Variants in KIF1A observed in about 807,000 individuals in gnomAD.
The protein encoded by KIF1A is kinesin-like protein KIF1A.
In KIF1A, 46 loss-of-function variants were observed where a neutral mutation model predicts 227.3. That is an observed-to-expected ratio of 0.20 (90% CI 0.16 to 0.26). The LOEUF is 0.26. Among genes scored for constraint, KIF1A ranks in the 10% least tolerant of loss-of-function variants. KIF1A has a pLI of 1.00. For synonymous variants in KIF1A, 1,022 were observed against 1,012.8 expected, an observed-to-expected ratio of 1.01 and a Z score of -0.17; for missense variants, 1,683 against 2,485.9, an observed-to-expected ratio of 0.68 and a Z score of 6.87.
chr2:240,765,850 C>A (rs1009503257), intron 19 of KIF1A, 57 bp from the exon 20 acceptor site: 1 of 1,344,914 alleles, frequency 7.4e-7, no homozygotes, highest in Admixed American at 1.7e-5. Context: ...TCACCTACAG[C>A]AGCTCGGCTT....
rs1344499129 is a variant in KIF1A at position 240,766,747 on chromosome 2, T to TCACACACACACA, written c.1684+167_1684+168insTGTGTGTGTGTG. Among the ~76,000 whole-genome samples, 11 of 119,440 alleles carry TCACACACACACA rather than the reference T, an allele frequency of 9.2e-5. No individual in the cohort carries two copies. The highest frequency in any genetic ancestry group is 2.8e-4 in the East Asian group (1 of 3,580). 78.4% of individuals were successfully genotyped at this position (119,440 alleles called of 152,430 possible). A position where few individuals can be genotyped will look rare whatever the true frequency, so the allele number is the denominator to read the frequency against. On this transcript the variant is annotated intron_variant, in intron 19 of 48. Coordinates refer to ENST00000498729, the MANE Select transcript of KIF1A (RefSeq NM_001244008.2). This position sits in a 1 kb window ranked among gnomAD's most constrained non-coding sequence, Gnocchi z 5.0. ...ATCTCTCTCTCTCTCTCTCTCTCTC[T>TCACACACACACA]CTCACACACACACACACACACACAC...
At chr2:240,781,884 T>G (rs77447947) in intron 10 of KIF1A, 80,519 of 985,276 alleles carry the variant, frequency 0.082, 3,441 homozygotes, top group Non-Finnish European at 0.089. Flanking sequence ...GTGTTCTTAG[T>G]CTCTTGGAAC....
intron 25 of KIF1A, among the ~76,000 whole-genome samples, chr2:240,760,017 T>TAAAAA (rs1470187746): frequency 6.9e-6 from 1 of 144,072 alleles, no homozygotes; most frequent in Admixed American, 6.8e-5. Context: ...CCCTGTCTCT[T>TAAAAA]AAAGAAAAAA....
chr2:240,759,209 T>C (rs1284342528), intron 25 of KIF1A, among the ~76,000 whole-genome samples: 1 of 152,054 alleles, frequency 6.6e-6, no homozygotes, highest in Non-Finnish European at 1.5e-5. Context: ...ATTAATCATA[T>C]TTTTATTTTC....
chr2:240,794,868 G>A (rs370089337), intron 2 of KIF1A, among the ~76,000 whole-genome samples: 108 of 152,286 alleles, frequency 7.1e-4, no homozygotes, highest in African/African-American at 2.4e-3. Flanking sequence ...GCAGGACACT[G>A]ATCTCATGTG....
At chr2:240,748,444 T>G (rs1356428509) in intron 28 of KIF1A, among the ~76,000 whole-genome samples, 3 of 152,084 alleles carry the variant, frequency 2.0e-5, no homozygotes, top group Non-Finnish European at 4.4e-5. Flanking sequence ...CGGCCTCTGG[T>G]GCAGCCCCAC....
chr2:240,786,744 G>GGGTGGGGGACGCCATCAGGA lies in KIF1A; in HGVS notation c.430-232_430-231insTCCTGATGGCGTCCCCCACC, dbSNP rs1406812678. On this transcript the variant is annotated intron_variant, in intron 5 of 48. Transcript: ENST00000498729. ...TGAGGGGGTGGGGGCTGCCTGCTGGGCCCCTGAGTGAGAGGGTAGGGGCCA... is the reference window on the plus strand; with the variant it reads ...TGAGGGGGTGGGGGCTGCCTGCTGGGGGTGGGGGACGCCATCAGGACCCCTGAGTGAGAGGGTAGGGGCCA... 5.7e-5 allele frequency among the ~76,000 whole-genome samples: 3 copies of GGGTGGGGGACGCCATCAGGA among 52,782 alleles called. 1 individual carries two copies. The highest frequency in any genetic ancestry group is 2.5e-4 in the African/African-American group (3 of 12,156). The allele number at this position is 52,782 out of a possible 152,430, so 34.6% of individuals were successfully genotyped here. A position where few individuals can be genotyped will look rare whatever the true frequency, so the allele number is the denominator to read the frequency against.
At chr2:240,727,993 T>C (rs1017918344) in intron 38 of KIF1A, among the ~76,000 whole-genome samples, 4 of 151,982 alleles carry the variant, frequency 2.6e-5, no homozygotes, top group Non-Finnish European at 4.4e-5. Flanking sequence ...CACCCCACCA[T>C]CCACCCAGCC....
Position 240,719,024 on chromosome 2 carries a change from G to A in KIF1A, c.5196C>T (p.Asp1732=), listed in dbSNP as rs770573315. The change falls in exon 47 of 49, where the codon GAC becomes GAT. Residue 1732 remains aspartate (D), a synonymous_variant. Transcript: ENST00000498729. ...GCCGCACCTTGAGCATAGCCTGCTG[G>A]TCCTCACTGTACTCCACCTGGGCAG... ...LATAQVEYSE[D]QQAMLKTPNT... is the part of the protein sequence containing the mutation. 1 of 1,609,128 alleles carries A rather than the reference G, an allele frequency of 6.2e-7. No homozygotes were observed. Among genetic ancestry groups the A allele is most frequent in the South Asian group, 1.1e-5 (1 of 90,974 alleles).
rs56024577 is a variant in KIF1A, at chr2:240,741,385, G to A, written c.3641-8C>T. On this transcript the variant is annotated splice_polypyrimidine_tract_variant and splice_region_variant and intron_variant, in intron 34 of 48. Transcript: ENST00000498729. ...TGAGCTTGGTGGCGGGCACTGTAGG[G>A]ACAGGAGGGAGGCATGCATGGATGG... The A allele has an allele frequency of 0.28, 431,187 of 1,543,814 alleles. 66,318 individuals carry two copies. The highest frequency in any genetic ancestry group is 0.48 in the South Asian group (39,842 of 83,292).
chr2:240,719,724 C>T, intron 46 of KIF1A, 50 bp downstream of exon 46: 1 of 1,469,556 alleles, frequency 6.8e-7, no homozygotes, highest in Non-Finnish European at 9.0e-7. Context: ...CTGCCTGTCC[C>T]CTGTCAGCAC....
chr2:240,798,259 C>T (rs1006536429), intron 1 of KIF1A, among the ~76,000 whole-genome samples: 6 of 152,262 alleles, frequency 3.9e-5, no homozygotes, highest in Non-Finnish European at 1.5e-5. Context: ...CCATCACACC[C>T]TTCACACCAA....
At chr2:240,795,316 G>T (rs1336671570) in intron 2 of KIF1A, among the ~76,000 whole-genome samples, 3 of 152,236 alleles carry the variant, frequency 2.0e-5, no homozygotes, top group African/African-American at 7.2e-5. Flanking sequence ...TTGAAGCAGG[G>T]TGTCTCGCTT....
chr2:240,769,535 A>G, intron 16 of KIF1A, 92 bp downstream of exon 16: 1 of 1,058,436 alleles, frequency 9.4e-7, no homozygotes, highest in Non-Finnish European at 1.4e-6. Flanking sequence ...GGTGCCCAGC[A>G]CTGGAGGGCA....
intron 33 of KIF1A, among the ~76,000 whole-genome samples, chr2:240,743,598 G>A (rs552167314): frequency 1.3e-5 from 2 of 152,278 alleles, no homozygotes; most frequent in East Asian, 1.9e-4. Context: ...GCACAGCTGG[G>A]CCCCTTTCCT....
chr2:240,746,298 G>T, intron 29 of KIF1A, 121 bp from the exon 30 acceptor site: 1 of 1,203,116 alleles, frequency 8.3e-7, no homozygotes, highest in Non-Finnish European at 1.2e-6. Flanking sequence ...GGGCCTCCAT[G>T]AACCCACGCA....
At chr2:240,724,853 C>G (rs559507248) in intron 40 of KIF1A, 1 of 179,950 alleles carries the variant, frequency 5.6e-6, no homozygotes, top group African/African-American at 2.5e-5. Flanking sequence ...CCCACTTATC[C>G]AGCTCCTCCT....
rs1362718001 is a variant in KIF1A, at chr2:240,766,955, C to T, written c.1644G>A (p.Glu548=). 6.2e-7 allele frequency: 1 copy of T among 1,612,298 alleles called. No individual in the cohort carries two copies. Among genetic ancestry groups the T allele is most frequent in the Admixed American group, 1.7e-5 (1 of 59,920 alleles). The change falls in exon 19 of 49, where the codon GAG becomes GAA. Residue 548 remains glutamate (E), a synonymous_variant. Transcript: ENST00000498729. This position sits in a 1 kb window ranked among gnomAD's most constrained non-coding sequence, Gnocchi z 5.0. The part of the protein sequence containing the change: ...IVLSGHFIKE[E]HCVFRSDSRG... ...TGGAGTCGCTCCGGAAGACGCAGTGCTCCTCCTTGATGAAGTGCCCACTCA... is the reference window on the plus strand; with the variant it reads ...TGGAGTCGCTCCGGAAGACGCAGTGTTCCTCCTTGATGAAGTGCCCACTCA...
intron 1 of KIF1A, among the ~76,000 whole-genome samples, chr2:240,800,105 G>GACACAC (rs3220094): frequency 0.048 from 6,866 of 142,812 alleles, 197 homozygotes; most frequent in East Asian, 0.079. Context: ...GTCCAAAGCA[G>GACACAC]ACACACACAC....
Sources: allele counts gnomAD v4.1 joint callset (sites outside exome capture counted in the v4.1 genomes callset), GRCh38; gene constraint gnomAD v4.1.1; non-coding constraint Gnocchi (gnomAD v3.1); transcripts MANE v1.5; gene names NCBI Gene and HGNC (gene_info 2026-07-23, HGNC 2026-07-21).